SLC25A21: variants seen among roughly 807,000 people sequenced by gnomAD.
SLC25A21 encodes solute carrier family 25 member 21, also known as mitochondrial 2-oxodicarboxylate carrier.
SLC25A21 carries 47 observed loss-of-function variants against 43.8 expected under a neutral mutation model. The ratio of observed to expected loss-of-function variants is 1.07; its 90% confidence interval spans 0.85 to 1.37. The LOEUF (loss-of-function observed/expected upper bound fraction) is 1.37, where lower values mean the gene tolerates loss of function less well. Among genes scored for constraint, SLC25A21 ranks in the 40% most tolerant of loss-of-function variants. The pLI, the probability that SLC25A21 is intolerant of heterozygous loss-of-function variation, is 0.00. For synonymous variants in SLC25A21, 131 were observed against 121.3 expected, an observed-to-expected ratio of 1.08 and a Z score of -0.52; for missense variants, 352 against 350.2, an observed-to-expected ratio of 1.00 and a Z score of -0.04.
At chr14:36,875,789 C>T (rs571255971) in intron 1 of SLC25A21, among the ~76,000 whole-genome samples, 2 of 152,208 alleles carry the variant, frequency 1.3e-5, no homozygotes, top group East Asian at 1.9e-4. Flanking sequence ...AATTGTAACA[C>T]TCTCTCTCCT....
At chr14:37,170,974 C>T (rs936877235) in intron 1 of SLC25A21, among the ~76,000 whole-genome samples, 43 of 150,850 alleles carry the variant, frequency 2.9e-4, no homozygotes, top group African/African-American at 1.0e-3. Flanking sequence ...TCGGTAATTC[C>T]AGCTACTCAG....
At chr14:37,041,523 T>G (rs1242493414) in intron 1 of SLC25A21, among the ~76,000 whole-genome samples, 1 of 152,206 alleles carries the variant, frequency 6.6e-6, no homozygotes, top group Non-Finnish European at 1.5e-5. Context: ...GCAATTGGTT[T>G]AGAAGTACCT....
chr14:36,760,909 A>G, intron 3 of SLC25A21, among the ~76,000 whole-genome samples: 1 of 152,148 alleles, frequency 6.6e-6, no homozygotes, highest in Admixed American at 6.5e-5. Context: ...GAGAGGAAGA[A>G]AGGAAAGAAA....
At chr14:36,925,048 A>AT (rs1892092945) in intron 1 of SLC25A21, among the ~76,000 whole-genome samples, 1 of 152,186 alleles carries the variant, frequency 6.6e-6, no homozygotes, top group South Asian at 2.1e-4. Flanking sequence ...AAGGTTAAAA[A>AT]AATATATATC....
At chr14:37,027,403 A>G (rs115071928) in intron 1 of SLC25A21, among the ~76,000 whole-genome samples, 1,994 of 152,290 alleles carry the variant, frequency 0.013, 47 homozygotes, top group African/African-American at 0.046. Flanking sequence ...AGAAACTCAA[A>G]TCAGGCATTG....
At chr14:37,038,102 G>A (rs575330796) in intron 1 of SLC25A21, among the ~76,000 whole-genome samples, 208 of 152,236 alleles carry the variant, frequency 1.4e-3, no homozygotes, top group Middle Eastern at 6.8e-3. Context: ...ATGAGGAGAA[G>A]GATCAAGACA....
intron 1 of SLC25A21, among the ~76,000 whole-genome samples, chr14:37,051,864 C>G (rs887034838): frequency 6.6e-6 from 1 of 152,166 alleles, no homozygotes; most frequent in Non-Finnish European, 1.5e-5. Flanking sequence ...CCAGGGCCTT[C>G]CTATTGGTTG....
intron 3 of SLC25A21, among the ~76,000 whole-genome samples, chr14:36,747,677 G>C (rs1407479638): frequency 2.6e-5 from 4 of 152,174 alleles, no homozygotes; most frequent in African/African-American, 9.7e-5. Flanking sequence ...CAAGCAGACT[G>C]TTCCCCAAGT....
chr14:37,091,048 T>C (rs571567479), intron 1 of SLC25A21, among the ~76,000 whole-genome samples: 9 of 152,206 alleles, frequency 5.9e-5, no homozygotes, highest in Admixed American at 2.6e-4. Context: ...TTTATTAACA[T>C]AGAACTCACA....
intron 1 of SLC25A21, among the ~76,000 whole-genome samples, chr14:37,089,004 G>A (rs998783955): frequency 1.3e-5 from 2 of 152,114 alleles, no homozygotes; most frequent in Non-Finnish European, 2.9e-5. Flanking sequence ...TGCCCATAAT[G>A]TATACAGAGT....
chr14:36,988,879 T>A (rs1235726105), intron 1 of SLC25A21, among the ~76,000 whole-genome samples: 1 of 152,180 alleles, frequency 6.6e-6, no homozygotes, highest in Non-Finnish European at 1.5e-5. Context: ...AGTCTGTCAG[T>A]TACCTGCCAA....
At chr14:36,745,719 A>C (rs560924018) in intron 3 of SLC25A21, among the ~76,000 whole-genome samples, 1 of 152,092 alleles carries the variant, frequency 6.6e-6, no homozygotes, top group African/African-American at 2.4e-5. Flanking sequence ...AACTTGTTTA[A>C]GTTCTTTGTA....
At chr14:36,693,457 G>T (rs1882879744) in intron 7 of SLC25A21, among the ~76,000 whole-genome samples, 1 of 151,984 alleles carries the variant, frequency 6.6e-6, no homozygotes, top group African/African-American at 2.4e-5. Context: ...ATCATCATGG[G>T]CTTTAGCACT....
intron 1 of SLC25A21, among the ~76,000 whole-genome samples, chr14:37,104,866 C>T (rs1317096922): frequency 1.3e-5 from 2 of 152,110 alleles, no homozygotes; most frequent in Non-Finnish European, 2.9e-5. Context: ...AGGGAACAGC[C>T]CACCCATCTC....
At chr14:36,682,429 C>T (rs181726584) in intron 9 of SLC25A21, among the ~76,000 whole-genome samples, 2 of 152,118 alleles carry the variant, frequency 1.3e-5, no homozygotes, top group African/African-American at 2.4e-5. Flanking sequence ...GGACCTCTCA[C>T]GCAAAACATT....
chr14:37,053,529 G>A (rs1961755958), intron 1 of SLC25A21, among the ~76,000 whole-genome samples: 1 of 152,134 alleles, frequency 6.6e-6, no homozygotes, highest in East Asian at 1.9e-4. Context: ...ATTTTTTAAT[G>A]GAGAAAATGG....
rs773646679 is a variant in SLC25A21 at position 36,683,782 on chromosome 14, T to C, written c.838+46A>G. ...ACACAAATATCAAAAAAAGAGACGC[T>C]AGAACAATAAAGAAGGAAGGATTAA... On this transcript the variant is annotated intron_variant, in intron 9 of 9. Transcript: ENST00000331299. 9.4e-6 allele frequency: 13 copies of C among 1,386,302 alleles called. No individual in the cohort carries two copies. The African/African-American group carries it at 1.2e-4, about 12-fold the overall frequency. 85.9% of individuals were successfully genotyped at this position (1,386,302 alleles called of 1,614,324 possible).
chr14:36,924,118 C>T (rs562245170), intron 1 of SLC25A21, among the ~76,000 whole-genome samples: 5 of 152,144 alleles, frequency 3.3e-5, no homozygotes, highest in South Asian at 2.1e-4. Context: ...GTCAGTGTGG[C>T]GATTCCTCAG....
intron 1 of SLC25A21, among the ~76,000 whole-genome samples, chr14:37,052,476 T>G (rs1961729718): frequency 6.6e-6 from 1 of 152,232 alleles, no homozygotes; most frequent in South Asian, 2.1e-4. Context: ...TTTTAAATGT[T>G]AAATATCTTT....
Sources: gnomAD v4.1 joint callset for allele counts (sites outside exome capture counted in the v4.1 genomes callset) on GRCh38, gnomAD v4.1.1 for gene constraint, MANE v1.5 for transcripts, NCBI Gene and HGNC (gene_info 2026-07-23, HGNC 2026-07-21) for gene names.